SLC16A10: variants seen among roughly 807,000 people sequenced by gnomAD.
SLC16A10 encodes solute carrier family 16 member 10.
A neutral mutation model predicts 40.0 loss-of-function variants in SLC16A10; 27 were observed. The ratio of observed to expected loss-of-function variants is 0.67; its 90% CI spans 0.50 to 0.93. The LOEUF (loss-of-function observed/expected upper bound fraction) is 0.93. Among genes scored for constraint, SLC16A10 ranks in the 40% least tolerant of loss-of-function variants. SLC16A10 has a pLI of 0.00. For synonymous variants in SLC16A10, 213 were observed against 249.8 expected (o/e 0.85, Z 1.39); for missense variants, 529 against 658.2 (o/e 0.80, Z 2.15).
At chr6:111,151,466 C>T (rs1427661464) in intron 1 of SLC16A10, among the ~76,000 whole-genome samples, 1 of 152,184 alleles carries the variant, frequency 6.6e-6, no homozygotes, top group Non-Finnish European at 1.5e-5. Flanking sequence ...TCTCTCAAAT[C>T]GGTCTCCTTG....
rs189548771 is a variant in SLC16A10, at chr6:111,169,611, A to G, written c.344-3084A>G. On this transcript the variant is annotated intron_variant, in intron 1 of 5. Coordinates refer to ENST00000368851, the MANE Select transcript of SLC16A10 (RefSeq NM_018593.5). ...TTCCCAGGTTCCCTGGGGCTGGGGA[A>G]AAGATTTGATTACCTAGTGAATATT... is the stretch of plus-strand genomic sequence containing the variant. 3.3e-3 allele frequency among the ~76,000 whole-genome samples: 496 copies of G among 152,360 alleles called. 1 individual carries two copies. Among genetic ancestry groups the G allele is most frequent in the Non-Finnish European group, 6.1e-3 (415 of 68,036 alleles).
chr6:111,108,555 T>C (rs2114453489), intron 1 of SLC16A10, among the ~76,000 whole-genome samples: 1 of 152,322 alleles, frequency 6.6e-6, no homozygotes, highest in African/African-American at 2.4e-5. Context: ...ATTTTCATTA[T>C]CTTTTAATTT....
At chr6:111,124,673 T>G (rs532958661) in intron 1 of SLC16A10, among the ~76,000 whole-genome samples, 6 of 152,336 alleles carry the variant, frequency 3.9e-5, no homozygotes, top group African/African-American at 1.2e-4. Context: ...AGAATGATTT[T>G]CCTTTGTTGA....
chr6:111,191,548 C>T (rs1053859998), intron 3 of SLC16A10, among the ~76,000 whole-genome samples: 1 of 152,088 alleles, frequency 6.6e-6, no homozygotes, highest in Admixed American at 6.6e-5. Context: ...AATGGGATTG[C>T]TGGGTCAAAT....
At chr6:111,125,809 T>G (rs58129729) in intron 1 of SLC16A10, among the ~76,000 whole-genome samples, 346 of 152,254 alleles carry the variant, frequency 2.3e-3, no homozygotes, top group African/African-American at 7.7e-3. Context: ...ACAGGTAGGA[T>G]GGTATTATTA....
At chr6:111,110,021 G>T (rs1406577376) in intron 1 of SLC16A10, among the ~76,000 whole-genome samples, 1 of 152,018 alleles carries the variant, frequency 6.6e-6, no homozygotes, top group Non-Finnish European at 1.5e-5. Context: ...AGGAGTGAGA[G>T]GACTCTGGAG....
intron 4 of SLC16A10, among the ~76,000 whole-genome samples, chr6:111,215,319 T>C (rs1329752772): frequency 6.6e-6 from 1 of 151,290 alleles, no homozygotes; most frequent in Admixed American, 6.6e-5. Flanking sequence ...CAAAGCCAAG[T>C]ACTGTACTAG....
intron 1 of SLC16A10, among the ~76,000 whole-genome samples, chr6:111,092,315 G>GTT (rs1173275647): frequency 0.047 from 4,624 of 98,450 alleles, 248 homozygotes; most frequent in African/African-American, 0.069. Context: ...TTTTTTTGTT[G>GTT]TTTTTTTTTT....
chr6:111,194,846 C>CT (rs1454470436), intron 3 of SLC16A10, among the ~76,000 whole-genome samples: 2 of 152,118 alleles, frequency 1.3e-5, no homozygotes, highest in Non-Finnish European at 2.9e-5. Flanking sequence ...GCATTAATTG[C>CT]TTTTTTCTGC....
In SLC16A10 at chr6:111,223,683, A is replaced by G. The variant is rs1770942675; in HGVS notation, c.*1448A>G. ...GACCATACTACCCTTTCATGTCCTT[A>G]TTATAAGCTTTTAGAAAATGATTTC... On this transcript the variant is annotated 3_prime_UTR_variant, in exon 6 of 6. Coordinates refer to ENST00000368851, the MANE Select transcript of SLC16A10 (RefSeq NM_018593.5). 6.6e-6 allele frequency: 1 copy of G among 152,198 alleles called. No individual in the cohort carries two copies. Among genetic ancestry groups the G allele is most frequent in the African/African-American group, 2.4e-5 (1 of 41,466 alleles). 9.4% of individuals were successfully genotyped at this position (152,198 alleles called of 1,614,324 possible).
chr6:111,100,982 CTCTCTCTCTCTATATATA>C (rs1388861027), intron 1 of SLC16A10, among the ~76,000 whole-genome samples: 15 of 116,614 alleles, frequency 1.3e-4, no homozygotes, highest in African/African-American at 4.2e-4. Flanking sequence ...CTCTCTCTCT[CTCTCTCTCTCTATATATA>C]TATATATATA....
rs1223929839 is a variant in SLC16A10, at chr6:111,227,618, G to A, written c.*5383G>A. On this transcript the variant is annotated 3_prime_UTR_variant, in exon 6 of 6. Transcript: ENST00000368851. ...TTGTCTTCACTTCCACACGTTCAAG[G>A]ACACCTCTTTTAAAGTTCAGTGTTC... 1 of 152,048 alleles carries A rather than the reference G, an allele frequency of 6.6e-6. No homozygotes were observed. Among genetic ancestry groups the A allele is most frequent in the East Asian group, 1.9e-4 (1 of 5,194 alleles). The allele number at this position is 152,048 out of a possible 1,614,324, so 9.4% of individuals were successfully genotyped here.
intron 4 of SLC16A10, among the ~76,000 whole-genome samples, chr6:111,211,788 G>T (rs1218301532): frequency 6.6e-6 from 1 of 152,184 alleles, no homozygotes; most frequent in African/African-American, 2.4e-5. Flanking sequence ...ACACAGTGTG[G>T]TTTTTGATTC....
At chr6:111,180,000 C>T (rs1235933610) in intron 3 of SLC16A10, among the ~76,000 whole-genome samples, 1 of 152,196 alleles carries the variant, frequency 6.6e-6, no homozygotes, top group Non-Finnish European at 1.5e-5. Context: ...GTCTCATATC[C>T]TTCAAAAGAC....
intron 1 of SLC16A10, among the ~76,000 whole-genome samples, chr6:111,163,996 A>T (rs116962558): frequency 6.6e-6 from 1 of 152,184 alleles, no homozygotes; most frequent in African/African-American, 2.4e-5. Flanking sequence ...ATTTTTGTTA[A>T]AGAGTAGATC....
At chr6:111,131,664 A>G (rs1021058441) in intron 1 of SLC16A10, among the ~76,000 whole-genome samples, 8 of 152,214 alleles carry the variant, frequency 5.3e-5, no homozygotes, top group African/African-American at 1.9e-4. Flanking sequence ...AGGGCTGTCT[A>G]ACAGCCCCCA....
chr6:111,098,397 T>C (rs1281035335), intron 1 of SLC16A10, among the ~76,000 whole-genome samples: 1 of 152,170 alleles, frequency 6.6e-6, no homozygotes, highest in Non-Finnish European at 1.5e-5. Flanking sequence ...ATCTCTACTT[T>C]TAATTAAAAT....
intron 1 of SLC16A10, among the ~76,000 whole-genome samples, chr6:111,098,169 G>C (rs567762344): frequency 6.6e-6 from 1 of 152,144 alleles, no homozygotes; most frequent in Non-Finnish European, 1.5e-5. Context: ...AGCCGGGCAT[G>C]GTGGCGCATG....
At position 111,177,625 on chromosome 6, in the gene SLC16A10, C is replaced by T. The variant is rs1401395627; in HGVS notation, c.902C>T (p.Pro301Leu). 2 of 1,580,884 alleles carry T rather than the reference C, an allele frequency of 1.3e-6. No individual in the cohort carries two copies. The highest frequency in any genetic ancestry group is 1.7e-6 in the Non-Finnish European group (2 of 1,163,840). Residue 301 changes from proline to leucine, a missense_variant, in exon 3 of 6, where the codon CCA (proline) becomes CTA (leucine). Pro to Leu is a moderately conservative substitution (Grantham distance 98, BLOSUM62 -3). Transcript: ENST00000368851. ...TAYAVWAVGI[P>L]LALFGYFVPY... Reference sequence around the variant, plus strand: ...TATGCAGTGTGGGCAGTTGGAATACCACTTGCACTTTTTGGATACTTTGTG... The same window carrying T: ...TATGCAGTGTGGGCAGTTGGAATACTACTTGCACTTTTTGGATACTTTGTG...
Sources: gnomAD v4.1 joint callset for allele counts (sites outside exome capture counted in the v4.1 genomes callset) on GRCh38, gnomAD v4.1.1 for gene constraint, MANE v1.5 for transcripts, NCBI Gene and HGNC (gene_info 2026-07-23, HGNC 2026-07-21) for gene names.